ZDHHC21: variants seen among roughly 807,000 people sequenced by gnomAD.
ZDHHC21 encodes the protein palmitoyltransferase ZDHHC21.
ZDHHC21 carries 15 observed loss-of-function variants against 34.6 expected under a neutral mutation model. The observed-to-expected ratio is 0.43, with a 90% CI of 0.29 to 0.67. The LOEUF is 0.67. Among genes scored for constraint, ZDHHC21 ranks in the 30% least tolerant of loss-of-function variants. ZDHHC21 has a pLI of 0.14. For synonymous variants in ZDHHC21, 142 were observed against 101.8 expected, an observed-to-expected ratio of 1.40 and a Z score of -2.38; for missense variants, 344 against 327.7, an observed-to-expected ratio of 1.05 and a Z score of -0.38.
chr9:14,684,615 T>C (rs1254518332), intron 2 of ZDHHC21, among the ~76,000 whole-genome samples: 3 of 151,648 alleles, frequency 2.0e-5, no homozygotes, highest in East Asian at 1.9e-4. Flanking sequence ...ATCATGAAAA[T>C]GGCCATACTG....
At chr9:14,592,885 C>T in the ZDHHC21 span, among the ~76,000 whole-genome samples, 130 of 152,158 alleles carry the variant, frequency 8.5e-4, 4 homozygotes, top group South Asian at 0.025. Context: ...TCTCCACATT[C>T]GGAAATTAGA....
the ZDHHC21 span, chr9:14,589,258 A>C: frequency 1.3e-5 from 2 of 152,196 alleles, no homozygotes; most frequent in African/African-American, 4.8e-5. Context: ...ACTGTTTGAA[A>C]AGTAATGGAG....
At chr9:14,690,174 G>C (rs985536179) in intron 2 of ZDHHC21, among the ~76,000 whole-genome samples, 163 bp downstream of exon 2, 3 of 152,164 alleles carry the variant, frequency 2.0e-5, no homozygotes, top group Non-Finnish European at 2.9e-5. Flanking sequence ...GTTCTTCCAA[G>C]AAGGAAGGGA....
At chr9:14,679,661 G>C (rs148415670) in intron 3 of ZDHHC21, among the ~76,000 whole-genome samples, 1 of 152,068 alleles carries the variant, frequency 6.6e-6, no homozygotes, top group Non-Finnish European at 1.5e-5. Context: ...TAACCTAAGA[G>C]ACACTAAACT....
chr9:14,668,171 A>G (rs922026157), intron 5 of ZDHHC21, among the ~76,000 whole-genome samples: 1 of 123,904 alleles, frequency 8.1e-6, no homozygotes, highest in African/African-American at 3.1e-5. Flanking sequence ...TACAAAATCA[A>G]TGTACAAAAA....
chr9:14,607,534 C>T (rs1586824510), downstream of ZDHHC21, among the ~76,000 whole-genome samples: 1 of 149,288 alleles, frequency 6.7e-6, no homozygotes, highest in East Asian at 2.0e-4. Flanking sequence ...TGGCCAGTAG[C>T]TACTTTTGGG....
chr9:14,594,918 T>C, the ZDHHC21 span, among the ~76,000 whole-genome samples: 1 of 152,116 alleles, frequency 6.6e-6, no homozygotes, highest in Non-Finnish European at 1.5e-5. Context: ...AACATACACA[T>C]AAAAATACGT....
intron 1 of ZDHHC21, among the ~76,000 whole-genome samples, chr9:14,692,837 C>T (rs1230344939): frequency 6.9e-6 from 1 of 144,762 alleles, no homozygotes; most frequent in Non-Finnish European, 1.5e-5. Flanking sequence ...TGCAGGTCTC[C>T]AGACGGGGGT....
At chr9:14,642,766 T>C (rs1279090860) in intron 7 of ZDHHC21, among the ~76,000 whole-genome samples, 3 of 152,340 alleles carry the variant, frequency 2.0e-5, no homozygotes, top group East Asian at 1.9e-4. Context: ...CTACAGAATG[T>C]GAGAAAATGA....
intron 9 of ZDHHC21, among the ~76,000 whole-genome samples, chr9:14,619,357 AC>A (rs1400296647): frequency 6.6e-6 from 1 of 152,162 alleles, no homozygotes; most frequent in Non-Finnish European, 1.5e-5. Context: ...ATGTGTGTCA[AC>A]AACACAGTAG....
intron 7 of ZDHHC21, among the ~76,000 whole-genome samples, chr9:14,656,795 T>C (rs1267457271): frequency 6.6e-6 from 1 of 151,950 alleles, no homozygotes; most frequent in African/African-American, 2.4e-5. Flanking sequence ...TACTAACATA[T>C]TATTATGATT....
chr9:14,639,984 G>A lies in ZDHHC21; in HGVS notation c.533C>T (p.Ala178Val). The A allele has an allele frequency of 2.5e-6, 4 of 1,603,758 alleles. No individual in the cohort carries two copies. The highest frequency in any genetic ancestry group is 1.7e-6 in the Non-Finnish European group (2 of 1,174,984). The change falls in exon 8 of 10, where the codon GCC (alanine) becomes GTC (valine). Residue 178 changes from alanine to valine, a missense_variant. Transcript: ENST00000380916. ...LDLFVFRHEL[A>V]IMRLAAFMGI... ...CATAAAGGCTGCTAGTCTCATTATG[G>A]CCAATTCATGTCTAAAAACAAAGAG...
At chr9:14,603,054 G>A in the ZDHHC21 span, among the ~76,000 whole-genome samples, 25 of 152,112 alleles carry the variant, frequency 1.6e-4, no homozygotes, top group African/African-American at 5.8e-4. Context: ...AGTTGAGGGG[G>A]AGCAGTAAAG....
At chr9:14,602,622 C>G in the ZDHHC21 span, among the ~76,000 whole-genome samples, 1 of 151,852 alleles carries the variant, frequency 6.6e-6, no homozygotes, top group Non-Finnish European at 1.5e-5. Context: ...TAAGGAAATC[C>G]CCATCAGACA....
chr9:14,642,769 G>C (rs1014750772), intron 7 of ZDHHC21, among the ~76,000 whole-genome samples: 1 of 152,174 alleles, frequency 6.6e-6, no homozygotes, highest in Non-Finnish European at 1.5e-5. Context: ...CAGAATGTGA[G>C]AAAATGAATT....
At chr9:14,645,969 G>A (rs915686458) in intron 7 of ZDHHC21, among the ~76,000 whole-genome samples, 4 of 152,032 alleles carry the variant, frequency 2.6e-5, no homozygotes, top group Non-Finnish European at 5.9e-5. Context: ...AGTTTAAATG[G>A]GTGCAACTAT....
chr9:14,652,623 G>A (rs370913597), intron 7 of ZDHHC21, among the ~76,000 whole-genome samples: 15 of 152,030 alleles, frequency 9.9e-5, no homozygotes, highest in African/African-American at 3.1e-4. Context: ...AACAGAAGGC[G>A]AGGAGAAGAG....
At chr9:14,632,258 G>A in intron 8 of ZDHHC21, among the ~76,000 whole-genome samples, 1 of 152,054 alleles carries the variant, frequency 6.6e-6, no homozygotes, top group East Asian at 1.9e-4. Context: ...ATGTCATAAA[G>A]ATAGACATAC....
chr9:14,661,816 T>C (rs1833449443), intron 6 of ZDHHC21, among the ~76,000 whole-genome samples: 2 of 152,190 alleles, frequency 1.3e-5, no homozygotes, highest in Admixed American at 6.5e-5. Flanking sequence ...ATGTTATTAA[T>C]TAAACAAATG....
Sources: allele counts gnomAD v4.1 joint callset (sites outside exome capture counted in the v4.1 genomes callset), GRCh38; gene constraint gnomAD v4.1.1; transcripts MANE v1.5; gene names NCBI Gene and HGNC (gene_info 2026-07-23, HGNC 2026-07-21).